Variants in NOX4 observed in about 807,000 individuals in gnomAD.
NOX4 encodes the protein NADPH oxidase 4.
NOX4 carries 69 observed loss-of-function variants against 87.6 expected under a neutral mutation model. That is an observed-to-expected ratio of 0.79 (90% CI 0.65 to 0.96). The LOEUF is 0.96. Ranked by LOEUF, NOX4 falls within the 40% of genes least tolerant of loss-of-function variation. The probability of loss-of-function intolerance (pLI) is 0.00; values close to 1 mark genes in which losing one functional copy is unlikely to be tolerated. For missense variants in NOX4, 680 were observed against 681.5 expected, an observed-to-expected ratio of 1.00 and a Z score of 0.02; for synonymous variants, 275 against 238.2, an observed-to-expected ratio of 1.15 and a Z score of -1.42.
At chr11:89,514,551 A>C in the NOX4 span, among the ~76,000 whole-genome samples, 1 of 152,014 alleles carries the variant, frequency 6.6e-6, no homozygotes, top group African/African-American at 2.4e-5. Flanking sequence ...TATTAAAATT[A>C]GCAAGAACAG....
the NOX4 span, among the ~76,000 whole-genome samples, chr11:89,564,258 C>T: frequency 6.6e-6 from 1 of 152,056 alleles, no homozygotes; most frequent in Non-Finnish European, 1.5e-5. Flanking sequence ...GTTCTGCAGG[C>T]TATACAAGGA....
intron 13 of NOX4, among the ~76,000 whole-genome samples, chr11:89,349,567 C>T (rs1265867459): frequency 6.6e-6 from 1 of 152,116 alleles, no homozygotes; most frequent in Non-Finnish European, 1.5e-5. Context: ...TGAGGTAGGA[C>T]ATTGCTTTTA....
At chr11:89,327,137 A>G (rs1306971250) in intron 17 of NOX4, among the ~76,000 whole-genome samples, 2 of 152,212 alleles carry the variant, frequency 1.3e-5, no homozygotes, top group African/African-American at 4.8e-5. Context: ...TATCAGGTAG[A>G]GATTTATCAG....
chr11:89,347,688 C>G (rs1946277261), intron 13 of NOX4, among the ~76,000 whole-genome samples: 2 of 152,144 alleles, frequency 1.3e-5, no homozygotes, highest in Non-Finnish European at 2.9e-5. Context: ...CTCCCTCTCT[C>G]TCCTCCTCTC....
intron 16 of NOX4, among the ~76,000 whole-genome samples, chr11:89,337,075 T>A (rs543396397): frequency 6.6e-6 from 1 of 152,064 alleles, no homozygotes; most frequent in African/African-American, 2.4e-5. Flanking sequence ...GCTATCATTA[T>A]TTTTTAGTTT....
the NOX4 span, among the ~76,000 whole-genome samples, chr11:89,506,284 G>GAAGA: frequency 0.01 from 501 of 49,334 alleles, 9 homozygotes; most frequent in East Asian, 2.7e-3. Flanking sequence ...AAAAAGAAAG[G>GAAGA]AAGAAAGAAA....
chr11:89,325,780 C>T lies in NOX4; in HGVS notation c.*976G>A, dbSNP rs1945195577. 6.6e-6 allele frequency: 1 copy of T among 151,366 alleles called. No individual in the cohort carries two copies. The highest frequency in any genetic ancestry group is 2.4e-5 in the African/African-American group (1 of 41,174). 9.4% of individuals were successfully genotyped at this position (151,366 alleles called of 1,614,324 possible). A position where few individuals can be genotyped will look rare whatever the true frequency, so the allele number is the denominator to read the frequency against. On this transcript the variant is annotated 3_prime_UTR_variant, in exon 18 of 18. Transcript: ENST00000263317. ...TGGTCTCAAAGTGCAAATTAACTAACTATCCTTAGAGGCTACAGCCTAAGA... is the reference window on the plus strand; with the variant it reads ...TGGTCTCAAAGTGCAAATTAACTAATTATCCTTAGAGGCTACAGCCTAAGA...
chr11:89,342,838 A>G (rs536349093), intron 13 of NOX4, among the ~76,000 whole-genome samples: 7 of 152,314 alleles, frequency 4.6e-5, no homozygotes, highest in African/African-American at 1.7e-4. Flanking sequence ...ACAGAGAGAG[A>G]GAGAGAGCAT....
At chr11:89,378,461 G>A (rs2135083351) in intron 11 of NOX4, among the ~76,000 whole-genome samples, 1 of 152,140 alleles carries the variant, frequency 6.6e-6, no homozygotes, top group South Asian at 2.1e-4. Flanking sequence ...CGACTCTTAT[G>A]CTCCTTATTA....
intron 13 of NOX4, among the ~76,000 whole-genome samples, chr11:89,354,504 A>G (rs1460489554): frequency 6.6e-6 from 1 of 152,206 alleles, no homozygotes; most frequent in Non-Finnish European, 1.5e-5. Flanking sequence ...AAGAATATGT[A>G]GAGATTGTCA....
chr11:89,431,216 A>G (rs1021313441), intron 7 of NOX4, among the ~76,000 whole-genome samples: 8 of 152,226 alleles, frequency 5.3e-5, no homozygotes, highest in Non-Finnish European at 7.3e-5. Flanking sequence ...AAGATGGATT[A>G]AAGACTTAAA....
At position 89,440,783 on chromosome 11, in the gene NOX4, G is replaced by A. The variant is rs1944423299; in HGVS notation, c.448-68C>T. ...CTGATGATATATAATTCTATAAAGA[G>A]TATGCAGGATCTACAAACCACATAC... On this transcript the variant is annotated intron_variant, in intron 5 of 17. Coordinates refer to ENST00000263317, the MANE Select transcript of NOX4 (RefSeq NM_016931.5). 3.4e-6 allele frequency: 3 copies of A among 888,402 alleles called. No homozygotes were observed. The South Asian group carries it at 5.2e-5, about 16-fold the overall frequency. 55.0% of individuals were successfully genotyped at this position (888,402 alleles called of 1,614,324 possible).
intron 6 of NOX4, among the ~76,000 whole-genome samples, chr11:89,434,544 G>C (rs1943982833): frequency 1.3e-5 from 2 of 152,000 alleles, no homozygotes; most frequent in South Asian, 2.1e-4. Context: ...CTAGCAGCAT[G>C]AAAAATACAC....
chr11:89,413,406 T>C (rs1476530775), intron 8 of NOX4, among the ~76,000 whole-genome samples: 1 of 152,188 alleles, frequency 6.6e-6, no homozygotes, highest in Non-Finnish European at 1.5e-5. Context: ...CTATTCACAA[T>C]AGCCAAGATT....
chr11:89,546,478 G>A, the NOX4 span, among the ~76,000 whole-genome samples: 1 of 152,162 alleles, frequency 6.6e-6, no homozygotes, highest in Non-Finnish European at 1.5e-5. Context: ...ACTCAGGAGA[G>A]AGATAGAGGC....
intron 7 of NOX4, among the ~76,000 whole-genome samples, chr11:89,425,528 CA>C (rs1223620062): frequency 6.6e-6 from 1 of 150,620 alleles, no homozygotes; most frequent in African/African-American, 2.4e-5. Context: ...AGAATAATAA[CA>C]GAATATTTAT....
intron 7 of NOX4, among the ~76,000 whole-genome samples, chr11:89,429,462 G>T (rs1306935002): frequency 6.6e-6 from 1 of 152,088 alleles, no homozygotes; most frequent in Non-Finnish European, 1.5e-5. Context: ...TAGACCGCTA[G>T]CAAGACTAAT....
chr11:89,556,007 G>A, the NOX4 span, among the ~76,000 whole-genome samples: 14 of 152,036 alleles, frequency 9.2e-5, no homozygotes, highest in Non-Finnish European at 1.0e-4. Context: ...CAGTTTGTGT[G>A]CTAAAAAAAC....
chr11:89,368,575 T>C (rs777801259), intron 12 of NOX4, among the ~76,000 whole-genome samples: 2 of 152,034 alleles, frequency 1.3e-5, no homozygotes, highest in Non-Finnish European at 2.9e-5. Context: ...AGAGAGTCAA[T>C]CAACTCCCTC....
Sources: gnomAD v4.1 joint callset for allele counts (sites outside exome capture counted in the v4.1 genomes callset) on GRCh38, gnomAD v4.1.1 for gene constraint, MANE v1.5 for transcripts, NCBI Gene and HGNC (gene_info 2026-07-23, HGNC 2026-07-21) for gene names.